Variants in SLC28A3 observed in about 807,000 individuals in gnomAD.
SLC28A3 encodes the protein concentrative Na(+)-nucleoside cotransporter 3.
A neutral mutation model predicts 84.2 loss-of-function variants in SLC28A3; 68 were observed. The observed-to-expected ratio is 0.81, with a 90% CI of 0.66 to 0.99. The LOEUF (loss-of-function observed/expected upper bound fraction) is 0.99, where lower values mean the gene tolerates loss of function less well. SLC28A3 is among the 50% of genes least tolerant of loss of function. The pLI is 0.00. For missense variants in SLC28A3, 712 were observed against 841.5 expected (o/e 0.85, Z 1.90); for synonymous variants, 267 against 303.6 (o/e 0.88, Z 1.25).
At chr9:84,313,997 A>T (rs1826083022) in intron 1 of SLC28A3, among the ~76,000 whole-genome samples, 1 of 152,148 alleles carries the variant, frequency 6.6e-6, no homozygotes, top group Non-Finnish European at 1.5e-5. Flanking sequence ...TCTCGGCCTG[A>T]TAACTTTCCA....
the SLC28A3 span, among the ~76,000 whole-genome samples, chr9:84,356,373 G>A: frequency 6.6e-6 from 1 of 152,094 alleles, no homozygotes; most frequent in Non-Finnish European, 1.5e-5. Context: ...AAGTGGGCAG[G>A]GCCTCAAATC....
At chr9:84,311,869 C>A (rs1171063261) in intron 2 of SLC28A3, among the ~76,000 whole-genome samples, 3 of 151,996 alleles carry the variant, frequency 2.0e-5, no homozygotes, top group South Asian at 2.1e-4. Flanking sequence ...AAACAAAAAA[C>A]CCCACACTTC....
chr9:84,364,271 C>G, the SLC28A3 span, among the ~76,000 whole-genome samples: 1 of 152,002 alleles, frequency 6.6e-6, no homozygotes, highest in African/African-American at 2.4e-5. Context: ...AGGCATGCAC[C>G]CTTGATGCCC....
At chr9:84,346,133 T>C in the SLC28A3 span, among the ~76,000 whole-genome samples, 47 of 152,218 alleles carry the variant, frequency 3.1e-4, no homozygotes, top group Admixed American at 5.9e-4. Context: ...TTTGAAACCA[T>C]TGTGTAGCAA....
At chr9:84,297,333 A>G (rs1825455031) in intron 7 of SLC28A3, 35 bp from the exon 8 acceptor site, 2 of 1,539,072 alleles carry the variant, frequency 1.3e-6, no homozygotes, top group South Asian at 1.1e-5. Context: ...TTTCATTCCA[A>G]CCACATGACT....
intron 3 of SLC28A3, among the ~76,000 whole-genome samples, chr9:84,305,882 A>G (rs143587225): frequency 1.3e-5 from 2 of 152,246 alleles, no homozygotes; most frequent in African/African-American, 4.8e-5. Flanking sequence ...GATTTCCTGG[A>G]TGTTAGGGCT....
chr9:84,330,125 T>C (rs1392600274), intron 1 of SLC28A3, among the ~76,000 whole-genome samples: 2 of 147,996 alleles, frequency 1.4e-5, no homozygotes, highest in Non-Finnish European at 3.0e-5. Context: ...AAAGAGAGAA[T>C]CAATGAAACC....
intron 8 of SLC28A3, among the ~76,000 whole-genome samples, chr9:84,294,622 T>C (rs1825349425): frequency 6.6e-6 from 1 of 152,180 alleles, no homozygotes; most frequent in African/African-American, 2.4e-5. Context: ...GTTAGCAGAG[T>C]AACCTAAGTT....
At chr9:84,279,519 G>T in intron 16 of SLC28A3, 134 bp from the exon 17 acceptor site, 1 of 641,444 alleles carries the variant, frequency 1.6e-6, no homozygotes, top group African/African-American at 1.9e-5. Flanking sequence ...TCTGCTCACT[G>T]CAACCTCTGC....
the SLC28A3 span, among the ~76,000 whole-genome samples, chr9:84,351,405 TCC>T: frequency 6.6e-6 from 1 of 152,094 alleles, no homozygotes. Flanking sequence ...ATGCCTGTAA[TCC>T]CAGCACTTTG....
chr9:84,320,040 GTTTTTTTTTTTT>G (rs1182939298), intron 1 of SLC28A3, among the ~76,000 whole-genome samples: 7 of 59,610 alleles, frequency 1.2e-4, no homozygotes, highest in Admixed American at 5.5e-4. Context: ...GGCTTGCACT[GTTTTTTTTTTTT>G]TTTTTTTTTT....
Position 84,297,974 on chromosome 9 carries a change from G to A in SLC28A3, c.715C>T (p.Leu239Phe). 1 of 1,612,732 alleles carries A rather than the reference G, an allele frequency of 6.2e-7. No homozygotes were observed. The highest frequency in any genetic ancestry group is 8.5e-7 in the Non-Finnish European group (1 of 1,179,736). ...TCAGTCCTTAGAATCAAGAGCCCAA[G>A]AAGAAACTGTAGCCCGATTCCCCAT... ...VLWGIGLQFL[L>F]GLLILRTDPG... Residue 239 changes from leucine to phenylalanine, a missense_variant, in exon 7 of 18, where the codon CTT becomes TTT. Coordinates refer to ENST00000376238, the MANE Select transcript of SLC28A3 (RefSeq NM_001199633.2).
At chr9:84,285,126 G>T (rs1047814832) in intron 14 of SLC28A3, among the ~76,000 whole-genome samples, 1 of 152,064 alleles carries the variant, frequency 6.6e-6, no homozygotes, top group Non-Finnish European at 1.5e-5. Context: ...GCAATGATTA[G>T]CTGTGTCTAC....
intron 4 of SLC28A3, 58 bp from the exon 5 acceptor site, chr9:84,302,447 G>A: frequency 6.4e-7 from 1 of 1,558,612 alleles, no homozygotes; most frequent in Non-Finnish European, 8.7e-7. Context: ...CACGCCTCCA[G>A]GCTCCAGCCT....
intron 1 of SLC28A3, among the ~76,000 whole-genome samples, chr9:84,339,674 C>T (rs913585244): frequency 3.9e-5 from 6 of 152,158 alleles, no homozygotes; most frequent in African/African-American, 1.4e-4. Context: ...TGTTTCCTCT[C>T]CTACACTTGT....
chr9:84,337,987 C>G (rs1004993633), intron 1 of SLC28A3, among the ~76,000 whole-genome samples: 3 of 152,174 alleles, frequency 2.0e-5, no homozygotes, highest in Admixed American at 6.5e-5. Flanking sequence ...AATTGGTGCT[C>G]CCTTCTTTGA....
At chr9:84,336,308 C>A (rs1270553362) in intron 1 of SLC28A3, among the ~76,000 whole-genome samples, 6 of 151,498 alleles carry the variant, frequency 4.0e-5, no homozygotes. Flanking sequence ...TTGAGACCAG[C>A]CTGACCAACG....
In SLC28A3 at chr9:84,294,205, A is replaced by C. The variant is rs1227633790; in HGVS notation, c.932T>G (p.Ile311Ser). The change falls in exon 9 of 18, where the codon ATT becomes AGT. Residue 311 changes from isoleucine (I) to serine (S), a missense_variant. Coordinates refer to ENST00000376238, the MANE Select transcript of SLC28A3 (RefSeq NM_001199633.2). Reference protein sequence around the residue: ...MLYYLGLMQWIIRKVGWIMLV... With the variant: ...MLYYLGLMQWSIRKVGWIMLV... Reference sequence around the variant, plus strand: ...TCCCAGCCCCAGTACCTTTCTAATAATCCACTGCATCAGTCCCAGGTAGTA... The same window carrying C: ...TCCCAGCCCCAGTACCTTTCTAATACTCCACTGCATCAGTCCCAGGTAGTA... The C allele has an allele frequency of 6.2e-7, 1 of 1,613,896 alleles. No homozygotes were observed. The highest frequency in any genetic ancestry group is 8.5e-7 in the Non-Finnish European group (1 of 1,179,902).
At chr9:84,343,017 G>A (rs1021718030), upstream of SLC28A3, among the ~76,000 whole-genome samples, 1 of 152,046 alleles carries the variant, frequency 6.6e-6, no homozygotes, top group Non-Finnish European at 1.5e-5. Flanking sequence ...ACAAAAATTA[G>A]CCAGGCATGG....
Sources: gnomAD v4.1 joint callset for allele counts (sites outside exome capture counted in the v4.1 genomes callset) on GRCh38, gnomAD v4.1.1 for gene constraint, MANE v1.5 for transcripts, NCBI Gene and HGNC (gene_info 2026-07-23, HGNC 2026-07-21) for gene names.